ST6GALNAC3: variants seen among roughly 807,000 people sequenced by gnomAD.
ST6GALNAC3 encodes ST6 N-acetylgalactosaminide alpha-2,6-sialyltransferase 3.
Under a neutral mutation model 32.7 loss-of-function variants are expected in ST6GALNAC3, and 25 were observed. That is an observed-to-expected ratio of 0.76 (90% confidence interval 0.56 to 1.07). ST6GALNAC3 has a LOEUF of 1.07. Among genes scored for constraint, ST6GALNAC3 ranks in the 50% least tolerant of loss-of-function variants. ST6GALNAC3 has a pLI of 0.00. For missense variants in ST6GALNAC3, 355 were observed against 382.4 expected, an observed-to-expected ratio of 0.93 and a Z score of 0.60; for synonymous variants, 129 against 133.1, an observed-to-expected ratio of 0.97 and a Z score of 0.21.
intron 2 of ST6GALNAC3, among the ~76,000 whole-genome samples, chr1:76,386,178 C>T (rs2101131650): frequency 6.6e-6 from 1 of 151,860 alleles, no homozygotes; most frequent in Non-Finnish European, 1.5e-5. Context: ...TTGAATCATA[C>T]TGACTTGAAC....
intron 3 of ST6GALNAC3, among the ~76,000 whole-genome samples, chr1:76,625,744 T>C (rs1281418099): frequency 1.3e-5 from 2 of 151,906 alleles, no homozygotes; most frequent in African/African-American, 2.4e-5. Context: ...TGTAGCTCAC[T>C]TCCCTGAGAT....
intron 2 of ST6GALNAC3, among the ~76,000 whole-genome samples, chr1:76,391,742 C>T (rs766712788): frequency 2.3e-4 from 35 of 152,250 alleles, no homozygotes; most frequent in Middle Eastern, 3.4e-3. Context: ...ATATTTTCCT[C>T]CATCTAGTTT....
chr1:76,310,836 G>A (rs574502453), intron 1 of ST6GALNAC3, among the ~76,000 whole-genome samples: 9 of 152,274 alleles, frequency 5.9e-5, no homozygotes, highest in African/African-American at 1.9e-4. Flanking sequence ...CATGGCTTCA[G>A]CAGTCCTCCT....
intron 2 of ST6GALNAC3, among the ~76,000 whole-genome samples, chr1:76,377,761 A>G (rs1651354827): frequency 6.6e-6 from 1 of 152,182 alleles, no homozygotes; most frequent in South Asian, 2.1e-4. Context: ...GAAGTTAATA[A>G]TGGAACCTAC....
rs113634454 is a variant in ST6GALNAC3, at chr1:76,151,383, T to C, written c.18+76499T>C. Among the ~76,000 whole-genome samples the C allele has an allele frequency of 7.2e-3, 1,098 of 152,286 alleles. 10 individuals are homozygous for C. The highest frequency in any genetic ancestry group is 0.024 in the Middle Eastern group (7 of 294). On this transcript the variant is annotated intron_variant, in intron 1 of 4. Transcript: ENST00000328299. ...ACATCACAGGCGTGGCTTAAAGATA[T>C]AAGGCCAGGCCATTTGAAAAGGTTT...
In ST6GALNAC3 at chr1:76,535,507, C is replaced by T. The variant is rs562550239; in HGVS notation, c.624-91945C>T. On this transcript the variant is annotated intron_variant, in intron 3 of 4. Transcript: ENST00000328299. ...ATAAGGTGAAGTAAAGGAATATTGT[C>T]CTTCAAGATCAGTTAGCAGCCAAGA... is the stretch of plus-strand genomic sequence containing the variant. 7.2e-5 allele frequency among the ~76,000 whole-genome samples: 11 copies of T among 152,226 alleles called. No individual in the cohort carries two copies. The East Asian group carries it at 7.7e-4, about 11-fold the overall frequency.
At chr1:76,461,756 T>C (rs1212732319) in intron 3 of ST6GALNAC3, among the ~76,000 whole-genome samples, 1 of 152,204 alleles carries the variant, frequency 6.6e-6, no homozygotes, top group Non-Finnish European at 1.5e-5. Flanking sequence ...CTCCTGATGG[T>C]ATGCTAGGCT....
rs561741919 is a variant in ST6GALNAC3 at position 76,515,454 on chromosome 1, T to G, written c.623+103037T>G. ...TTTATTATTTCCTTTCTTCTACCAATTCTGGCTTAGTTTCTTCTTGTTTGT... is the reference window on the plus strand; with the variant it reads ...TTTATTATTTCCTTTCTTCTACCAAGTCTGGCTTAGTTTCTTCTTGTTTGT... On this transcript the variant is annotated intron_variant, in intron 3 of 4. Coordinates refer to ENST00000328299, the MANE Select transcript of ST6GALNAC3 (RefSeq NM_152996.4). Among the ~76,000 whole-genome samples, 21 of 152,254 alleles carry G rather than the reference T, an allele frequency of 1.4e-4. No individual in the cohort carries two copies. The South Asian group carries it at 4.1e-3, about 30-fold the overall frequency.
At chr1:76,569,086 C>T (rs315015) in intron 3 of ST6GALNAC3, among the ~76,000 whole-genome samples, 11,560 of 152,058 alleles carry the variant, frequency 0.076, 817 homozygotes, top group East Asian at 0.2. Context: ...AACATAACTC[C>T]TTTTTCAGCA....
intron 3 of ST6GALNAC3, among the ~76,000 whole-genome samples, chr1:76,559,712 A>G (rs568568194): frequency 3.9e-5 from 6 of 152,168 alleles, no homozygotes; most frequent in Non-Finnish European, 8.8e-5. Context: ...GTGAGCATTC[A>G]CAGTACACAG....
Position 76,628,639 on chromosome 1 carries a change from G to A in ST6GALNAC3, c.751G>A (p.Val251Ile), listed in dbSNP as rs1222647110. The change falls in exon 5 of 5, where the codon GTC (valine) becomes ATC (isoleucine). Residue 251 changes from valine to isoleucine, a missense_variant. Coordinates refer to ENST00000328299, the MANE Select transcript of ST6GALNAC3 (RefSeq NM_152996.4). ...TYCKTEGYRKVPYHYYEQGRD... is the reference protein window; with the variant it reads ...TYCKTEGYRKIPYHYYEQGRD... ...TTCTAGGACAGAAGGGTATAGAAAA[G>A]TCCCCTACCATTATTATGAACAAGG... 3.7e-6 allele frequency: 6 copies of A among 1,608,590 alleles called. No homozygotes were observed. The highest frequency in any genetic ancestry group is 2.2e-5 in the East Asian group (1 of 44,738).
At chr1:76,171,817 CA>C (rs11316194) in intron 1 of ST6GALNAC3, among the ~76,000 whole-genome samples, 94,866 of 132,906 alleles carry the variant, frequency 0.71, 33,112 homozygotes, top group East Asian at 0.92. Context: ...AAAACAACAA[CA>C]AAAAAAAAAA....
chr1:76,174,278 G>A (rs760600629), intron 1 of ST6GALNAC3, among the ~76,000 whole-genome samples: 1 of 152,080 alleles, frequency 6.6e-6, no homozygotes, highest in Non-Finnish European at 1.5e-5. Flanking sequence ...GTGAATACGT[G>A]GACACAGAGA....
chr1:76,573,098 AT>A (rs2100504053), intron 3 of ST6GALNAC3, among the ~76,000 whole-genome samples: 1 of 152,116 alleles, frequency 6.6e-6, no homozygotes, highest in African/African-American at 2.4e-5. Context: ...AGGCTTAATC[AT>A]TTTATTTGTA....
In ST6GALNAC3 at chr1:76,341,605, T is replaced by TTTTATTTC. The variant is rs1553181634; in HGVS notation, c.213+27609_213+27610insATTTCTTT. 9.9e-5 allele frequency among the ~76,000 whole-genome samples: 9 copies of TTTTATTTC among 91,264 alleles called. No individual in the cohort carries two copies. The East Asian group carries it at 2.7e-3, about 28-fold the overall frequency. 59.9% of individuals were successfully genotyped at this position (91,264 alleles called of 152,430 possible). On this transcript the variant is annotated intron_variant, in intron 2 of 4. Transcript: ENST00000328299. ...GTTCTTTCAGAAATCTCCAAACTGC[T>TTTTATTTC]TTTCTTTCTTTCTTTCTTTCTTTCT... is the stretch of plus-strand genomic sequence containing the variant.
At chr1:76,477,920 G>T (rs61771553) in intron 3 of ST6GALNAC3, among the ~76,000 whole-genome samples, 1 of 151,918 alleles carries the variant, frequency 6.6e-6, no homozygotes, top group African/African-American at 2.4e-5. Flanking sequence ...CTCTGTTCTC[G>T]ATCACTTTTG....
intron 3 of ST6GALNAC3, among the ~76,000 whole-genome samples, chr1:76,503,041 G>C (rs1314159754): frequency 6.6e-6 from 1 of 151,992 alleles, no homozygotes; most frequent in African/African-American, 2.4e-5. Flanking sequence ...ATTAAGAGTT[G>C]TACGCTAAAT....
chr1:76,567,484 T>A (rs1041473233), intron 3 of ST6GALNAC3, among the ~76,000 whole-genome samples: 23 of 152,166 alleles, frequency 1.5e-4, no homozygotes, highest in African/African-American at 5.1e-4. Flanking sequence ...GTACTAAAAC[T>A]AACAAGACAA....
intron 3 of ST6GALNAC3, among the ~76,000 whole-genome samples, chr1:76,493,395 T>A (rs1341156333): frequency 6.6e-6 from 1 of 152,160 alleles, no homozygotes; most frequent in Non-Finnish European, 1.5e-5. Flanking sequence ...GTGATCCAAG[T>A]ATGAAATAAA....
Sources: gnomAD v4.1 joint callset for allele counts (sites outside exome capture counted in the v4.1 genomes callset) on GRCh38, gnomAD v4.1.1 for gene constraint, MANE v1.5 for transcripts, NCBI Gene and HGNC (gene_info 2026-07-23, HGNC 2026-07-21) for gene names.